The following DDX39A variants were observed in gnomAD, a reference collection of about 807,000 sequenced individuals.
The protein encoded by DDX39A is ATP-dependent RNA helicase DDX39A.
In DDX39A, 13 loss-of-function variants were observed where a neutral mutation model predicts 46.3. The ratio of observed to expected loss-of-function variants is 0.28; its 90% confidence interval spans 0.18 to 0.45. The LOEUF (loss-of-function observed/expected upper bound fraction) is 0.45, where lower values mean the gene tolerates loss of function less well. Among genes scored for constraint, DDX39A ranks in the 20% least tolerant of loss-of-function variants. The pLI, the probability that DDX39A is intolerant of heterozygous loss-of-function variation, is 1.00. For synonymous variants in DDX39A, 234 were observed against 224.6 expected (o/e 1.04, Z -0.38); for missense variants, 352 against 581.8 (o/e 0.61, Z 4.06).
chr19:14,411,386 G>A lies in DDX39A; in HGVS notation c.429+120C>T, dbSNP rs999855954. 1.1e-4 allele frequency: 123 copies of A among 1,115,628 alleles called. No individual in the cohort carries two copies. The highest frequency in any genetic ancestry group is 1.7e-4 in the East Asian group (7 of 41,404). The allele number at this position is 1,115,628 out of a possible 1,614,324, so 69.1% of individuals were successfully genotyped here. A position where few individuals can be genotyped will look rare whatever the true frequency, so the allele number is the denominator to read the frequency against. On this transcript the variant is annotated intron_variant, in intron 4 of 10. Transcript: ENST00000242776. This position sits in a 1 kb window ranked among gnomAD's most constrained non-coding sequence, Gnocchi z 4.1. Reference sequence around the variant, plus strand: ...AGGCTTTTAAGGAGCAAAAACCACCGCAAACCTCAAAGGCAGCTGCCCCTG... The same window carrying A: ...AGGCTTTTAAGGAGCAAAAACCACCACAAACCTCAAAGGCAGCTGCCCCTG...
intron 1 of DDX39A, among the ~76,000 whole-genome samples, chr19:14,417,538 G>A (rs1976859679): frequency 6.6e-6 from 1 of 151,710 alleles, no homozygotes. Flanking sequence ...TAATGCAAAT[G>A]ACGAGTTAAC....
chr19:14,416,843 G>A (rs989879567), intron 1 of DDX39A, among the ~76,000 whole-genome samples: 12 of 152,096 alleles, frequency 7.9e-5, no homozygotes, highest in African/African-American at 2.9e-4. Flanking sequence ...ATGCCACCAC[G>A]CCTGGCTAAT....
chr19:14,414,855 C>T (rs1976740949), intron 1 of DDX39A, among the ~76,000 whole-genome samples: 1 of 149,414 alleles, frequency 6.7e-6, no homozygotes, highest in Non-Finnish European at 1.5e-5. Context: ...ATCCCAGCTA[C>T]TCGGGAAGCT....
rs1426198652 is a variant in DDX39A at position 14,408,941 on chromosome 19, GGCTCT to G, written c.1274_1278del (p.Gln425ProfsTer34). 1 of 1,595,378 alleles carries G rather than the reference GGCTCT, an allele frequency of 6.3e-7. No homozygotes were observed. Among genetic ancestry groups the G allele is most frequent in the Non-Finnish European group, 8.6e-7 (1 of 1,168,014 alleles). ...GCGGCTCTGGCACGTGGTGGTTACC[GGCTCT>G]GCTCGACTGTAAGACATGAGATGCA... On this transcript the variant is annotated frameshift_variant, in exon 11 of 11. Transcript: ENST00000242776. LOFTEE classifies it high-confidence loss of function.
At position 14,410,068 on chromosome 19, in the gene DDX39A, G is replaced by C. The variant is rs1042770794; in HGVS notation, c.732+148C>G. On this transcript the variant is annotated intron_variant, in intron 6 of 10. Transcript: ENST00000242776. This position sits in a 1 kb window ranked among gnomAD's most constrained non-coding sequence, Gnocchi z 4.3. ...AGGTGTGGACCAAGCTTGACTCCCA[G>C]TTTGACAAGACCGAGGGGAGGAAAG... 2.9e-6 allele frequency: 3 copies of C among 1,031,084 alleles called. No homozygotes were observed. The South Asian group carries it at 3.9e-5, about 13-fold the overall frequency. The allele number at this position is 1,031,084 out of a possible 1,614,324, so 63.9% of individuals were successfully genotyped here. A position where few individuals can be genotyped will look rare whatever the true frequency, so the allele number is the denominator to read the frequency against.
At position 14,414,973 on chromosome 19, in the gene DDX39A, GATATTT is replaced by G. The variant is rs936785072; in HGVS notation, c.-4-1755_-4-1750del. 2.1e-4 allele frequency among the ~76,000 whole-genome samples: 31 copies of G among 148,598 alleles called. No homozygotes were observed. In the South Asian group the frequency reaches 3.6e-3, roughly 17 times the overall value. On this transcript the variant is annotated intron_variant, in intron 1 of 10. Coordinates refer to ENST00000242776, the MANE Select transcript of DDX39A (RefSeq NM_005804.4). The stretch of plus-strand genomic sequence containing the variant: ...AAAAAAAAAAGAAAAGCTTCACAGA[GATATTT>G]ACATGCTATACAACTCACCACTTAA...
chr19:14,417,581 A>T (rs187438368), intron 1 of DDX39A, among the ~76,000 whole-genome samples: 49 of 152,316 alleles, frequency 3.2e-4, no homozygotes, highest in Non-Finnish European at 5.4e-4. Context: ...ACATGTATAC[A>T]TATGTAACAA....
intron 1 of DDX39A, among the ~76,000 whole-genome samples, chr19:14,417,902 G>A (rs915152441): frequency 6.6e-6 from 1 of 151,764 alleles, no homozygotes; most frequent in Non-Finnish European, 1.5e-5. Context: ...CAGCGTGGTG[G>A]CTCATGCCTG....
At position 14,409,333 on chromosome 19, in the gene DDX39A, C is replaced by A; in HGVS notation, c.1089G>T (p.Met363Ile). 6.2e-7 allele frequency: 1 copy of A among 1,614,234 alleles called. No individual in the cohort carries two copies. The highest frequency in any genetic ancestry group is 1.7e-5 in the Admixed American group (1 of 60,032). The change falls in exon 9 of 11, where the codon ATG becomes ATT. Residue 363 changes from methionine to isoleucine, a missense_variant. By Grantham distance (10) the Met-to-Ile change is conservative. Coordinates refer to ENST00000242776, the MANE Select transcript of DDX39A (RefSeq NM_005804.4). The surrounding 1 kb of genome is among the most constrained non-coding windows in gnomAD (Gnocchi z 8.3). ...GCAGGTAGGTGTCCGAGTCCTCAGG[C>A]ATGTCGTAGTTAAAGACGATGTTGA... ...ERVNIVFNYD[M>I]PEDSDTYLHR...
chr19:14,412,719 C>T lies in DDX39A; in HGVS notation c.209-41G>A, dbSNP rs765604995. On this transcript the variant is annotated intron_variant, in intron 2 of 10. Transcript: ENST00000242776. This position sits in a 1 kb window ranked among gnomAD's most constrained non-coding sequence, Gnocchi z 4.4. ...AGCGTGAGGGACGAGAACCTGGATG[C>T]ACCCCCGTGCAGGATCCTCACCAGT... The T allele has an allele frequency of 3.2e-6, 5 of 1,570,984 alleles. No individual in the cohort carries two copies. Among genetic ancestry groups the T allele is most frequent in the Non-Finnish European group, 4.3e-6 (5 of 1,162,568 alleles).
chr19:14,410,258 C>T lies in DDX39A; in HGVS notation c.690G>A (p.Leu230=), dbSNP rs1976520085. 2 of 1,614,166 alleles carry T rather than the reference C, an allele frequency of 1.2e-6. No individual in the cohort carries two copies. Among genetic ancestry groups the T allele is most frequent in the East Asian group, 2.2e-5 (1 of 44,878 alleles). ...EKQCMMFSAT[L]SKDIRPVCRK... is the part of the protein sequence containing the mutation. ...TGCACACAGGCCGGATGTCCTTGCT[C>T]AGGGTGGCGCTGAACATCATGCACT... Residue 230 remains leucine (L), a synonymous_variant, in exon 6 of 11, where the codon CTG becomes CTA. Coordinates refer to ENST00000242776, the MANE Select transcript of DDX39A (RefSeq NM_005804.4). This position sits in a 1 kb window ranked among gnomAD's most constrained non-coding sequence, Gnocchi z 4.3.
intron 1 of DDX39A, among the ~76,000 whole-genome samples, chr19:14,417,160 C>T (rs1352909103): frequency 5.3e-5 from 8 of 151,920 alleles, no homozygotes; most frequent in Non-Finnish European, 8.8e-5. Flanking sequence ...AGGGTAGGGG[C>T]GTGAGGTAAG....
chr19:14,414,553 G>A (rs2146392406), intron 1 of DDX39A, among the ~76,000 whole-genome samples: 1 of 149,578 alleles, frequency 6.7e-6, no homozygotes, highest in Admixed American at 6.6e-5. Flanking sequence ...GTTTCACCAT[G>A]TTGGTCAGGC....
intron 1 of DDX39A, among the ~76,000 whole-genome samples, chr19:14,417,274 G>C (rs900146356): frequency 6.6e-6 from 1 of 152,116 alleles, no homozygotes; most frequent in African/African-American, 2.4e-5. Context: ...AGGTGGCCAA[G>C]AGATGGTGTA....
In DDX39A at chr19:14,411,596, C is replaced by G; in HGVS notation, c.339G>C (p.Val113=). 6.2e-7 allele frequency: 1 copy of G among 1,604,288 alleles called. No individual in the cohort carries two copies. The highest frequency in any genetic ancestry group is 8.5e-7 in the Non-Finnish European group (1 of 1,178,166). The stretch of plus-strand genomic sequence containing the variant: ...TCGTGTGGCACATGACCAGGACCGT[C>G]ACCTGGGAAGTGGCATAAGAAGAGG... ...LQQIEPVNGQ[V]TVLVMCHTRE... Residue 113 remains valine (V), a splice_region_variant and synonymous_variant, in exon 4 of 11, where the codon GTG becomes GTC. Coordinates refer to ENST00000242776, the MANE Select transcript of DDX39A (RefSeq NM_005804.4). This position sits in a 1 kb window ranked among gnomAD's most constrained non-coding sequence, Gnocchi z 4.1.
Position 14,410,778 on chromosome 19 carries a change from G to T in DDX39A, c.613+211C>A, listed in dbSNP as rs576061774. 14 of 555,670 alleles carry T rather than the reference G, an allele frequency of 2.5e-5. No homozygotes were observed. The South Asian group carries it at 3.2e-4, about 13-fold the overall frequency. The allele number at this position is 555,670 out of a possible 1,614,324, so 34.4% of individuals were successfully genotyped here. A position where few individuals can be genotyped will look rare whatever the true frequency, so the allele number is the denominator to read the frequency against. ...TATGTGTGCATGCCTTTACGTCCAG[G>T]AGGGACGGGGGCTTGCTTGGGCCCC... On this transcript the variant is annotated intron_variant, in intron 5 of 10. Transcript: ENST00000242776. This position sits in a 1 kb window ranked among gnomAD's most constrained non-coding sequence, Gnocchi z 4.3.
Position 14,409,089 on chromosome 19 carries a change from CCGGTCCTGGACGTCATTG to C in DDX39A, c.1197_1214del (p.Asn400_Arg405del). ...GAAGTTCTGCCACATTAACTTCAAA[CCGGTCCTGGACGTCATTG>C]AGGATTTTGGCATCATTCTCGTCAG... On this transcript the variant is annotated inframe_deletion, in exon 10 of 11. Transcript: ENST00000242776. The surrounding 1 kb of genome is among the most constrained non-coding windows in gnomAD (Gnocchi z 8.3). 6.2e-7 allele frequency: 1 copy of C among 1,614,204 alleles called. No homozygotes were observed. The highest frequency in any genetic ancestry group is 8.5e-7 in the Non-Finnish European group (1 of 1,180,036).
chr19:14,410,267 G>A lies in DDX39A; in HGVS notation c.681C>T (p.Ser227=), dbSNP rs1375574143. Residue 227 remains serine, a synonymous_variant, in exon 6 of 11, where the codon AGC becomes AGT. Transcript: ENST00000242776. This position sits in a 1 kb window ranked among gnomAD's most constrained non-coding sequence, Gnocchi z 4.3. ...TPHEKQCMMF[S]ATLSKDIRPV... ...GCCGGATGTCCTTGCTCAGGGTGGC[G>A]CTGAACATCATGCACTGCTTCTCGT... 7.4e-6 allele frequency: 12 copies of A among 1,614,038 alleles called. No individual in the cohort carries two copies. Among genetic ancestry groups the A allele is most frequent in the African/African-American group, 2.7e-5 (2 of 74,918 alleles).
rs1261603344 is a variant in DDX39A at position 14,410,352 on chromosome 19, G to A, written c.614-18C>T. The A allele has an allele frequency of 1.2e-6, 2 of 1,607,102 alleles. No homozygotes were observed. Among genetic ancestry groups the A allele is most frequent in the South Asian group, 1.1e-5 (1 of 90,992 alleles). ...CCGCATGTCTAGGTGGGGAGGGCAA[G>A]ACATGGGTGGGCATGAGCGTCTGCC... On this transcript the variant is annotated intron_variant, in intron 5 of 10. Transcript: ENST00000242776. The surrounding 1 kb of genome is among the most constrained non-coding windows in gnomAD (Gnocchi z 4.3).
Sources: allele counts gnomAD v4.1 joint callset (sites outside exome capture counted in the v4.1 genomes callset), GRCh38; gene constraint gnomAD v4.1.1; non-coding constraint Gnocchi (gnomAD v3.1); transcripts MANE v1.5; gene names NCBI Gene and HGNC (gene_info 2026-07-23, HGNC 2026-07-21).